Variants in PACSIN1 observed in about 807,000 individuals in gnomAD.
The protein encoded by PACSIN1 is protein kinase C and casein kinase substrate in neurons protein 1.
A neutral mutation model predicts 59.5 loss-of-function variants in PACSIN1; 15 were observed. That is an observed-to-expected ratio of 0.25 (90% CI 0.17 to 0.39). The LOEUF (loss-of-function observed/expected upper bound fraction) is 0.39. Ranked by LOEUF, PACSIN1 falls within the 10% of genes least tolerant of loss-of-function variation. The pLI, the probability that PACSIN1 is intolerant of heterozygous loss-of-function variation, is 1.00. For synonymous variants in PACSIN1, 210 were observed against 220.6 expected (o/e 0.95, Z 0.42); for missense variants, 420 against 580.2 (o/e 0.72, Z 2.84).
rs1306605070 is a variant in PACSIN1 at position 34,527,617 on chromosome 6, G to T, written c.220+129G>T. On this transcript the variant is annotated intron_variant, in intron 3 of 9. Transcript: ENST00000244458. ...TACCAGACACAGGACATTTTCAGGCGCTGTTCCCTCCTAGATCAAACCAGG... is the reference window on the plus strand; with the variant it reads ...TACCAGACACAGGACATTTTCAGGCTCTGTTCCCTCCTAGATCAAACCAGG... 8.9e-6 allele frequency: 7 copies of T among 788,104 alleles called. No homozygotes were observed. The Admixed American group carries it at 2.2e-4, about 25-fold the overall frequency. 48.8% of individuals were successfully genotyped at this position (788,104 alleles called of 1,614,324 possible).
At chr6:34,494,138 C>G (rs1766915544) in intron 1 of PACSIN1, among the ~76,000 whole-genome samples, 1 of 152,106 alleles carries the variant, frequency 6.6e-6, no homozygotes, top group African/African-American at 2.4e-5. Flanking sequence ...CAAAATTTAC[C>G]TACTTGTTAG....
At chr6:34,466,843 G>A (rs941277012) in intron 1 of PACSIN1, among the ~76,000 whole-genome samples, 1 of 152,210 alleles carries the variant, frequency 6.6e-6, no homozygotes, top group African/African-American at 2.4e-5. Flanking sequence ...GGGCTGCTGG[G>A]CACTGCCCTC....
At chr6:34,480,294 G>C (rs372687459) in intron 1 of PACSIN1, among the ~76,000 whole-genome samples, 1 of 144,954 alleles carries the variant, frequency 6.9e-6, no homozygotes, top group South Asian at 2.2e-4. Flanking sequence ...GTACCATCAC[G>C]GCTCAGTGTA....
chr6:34,534,648 C>G lies in PACSIN1; in HGVS notation c.*2118C>G, dbSNP rs1767661352. 6.5e-6 allele frequency: 1 copy of G among 152,862 alleles called. No homozygotes were observed. Among genetic ancestry groups the G allele is most frequent in the African/African-American group, 2.4e-5 (1 of 41,466 alleles). The allele number at this position is 152,862 out of a possible 1,614,324, so 9.5% of individuals were successfully genotyped here. A position where few individuals can be genotyped will look rare whatever the true frequency, so the allele number is the denominator to read the frequency against. On this transcript the variant is annotated 3_prime_UTR_variant, in exon 10 of 10. Transcript: ENST00000244458. ...GCTGCAGCCCCAGCTGGACTCCAGC[C>G]TGTCCCTCTTAGCACTCTAGCTGCC... is the stretch of plus-strand genomic sequence containing the variant.
rs1010463590 is a variant in PACSIN1, at chr6:34,533,362, G to A, written c.*832G>A. 2.6e-5 allele frequency: 4 copies of A among 152,296 alleles called. No homozygotes were observed. Among genetic ancestry groups the A allele is most frequent in the Non-Finnish European group, 5.9e-5 (4 of 68,104 alleles). The allele number at this position is 152,296 out of a possible 1,614,324, so 9.4% of individuals were successfully genotyped here. A position where few individuals can be genotyped will look rare whatever the true frequency, so the allele number is the denominator to read the frequency against. Reference sequence around the variant, plus strand: ...CCAAACCCCCTCAGCAACTTGCAGAGGACCTGTCCCCTCTCAAAAGTCCCC... The same window carrying A: ...CCAAACCCCCTCAGCAACTTGCAGAAGACCTGTCCCCTCTCAAAAGTCCCC... On this transcript the variant is annotated 3_prime_UTR_variant, in exon 10 of 10. Transcript: ENST00000244458.
intron 1 of PACSIN1, among the ~76,000 whole-genome samples, chr6:34,510,499 C>A (rs1280559289): frequency 6.6e-6 from 1 of 152,200 alleles, no homozygotes; most frequent in Non-Finnish European, 1.5e-5. Flanking sequence ...ATCCACCCAC[C>A]CAACCATTCA....
At chr6:34,499,807 AAAG>A (rs1356137982) in intron 1 of PACSIN1, among the ~76,000 whole-genome samples, 1 of 152,156 alleles carries the variant, frequency 6.6e-6, no homozygotes, top group Non-Finnish European at 1.5e-5. Context: ...ATAAAAAAAA[AAAG>A]AAAAAGAAAA....
In PACSIN1 at chr6:34,525,233, T is replaced by C. The variant is rs577571858; in HGVS notation, c.-63-1010T>C. On this transcript the variant is annotated intron_variant, in intron 1 of 9. Transcript: ENST00000244458. The surrounding 1 kb of genome is among the most constrained non-coding windows in gnomAD (Gnocchi z 4.9). ...TTCTTCTAAAAGGGAGGGAACAAAA[T>C]ATGTTTAGATGCCTGAGGGGTGCAA... Among the ~76,000 whole-genome samples the C allele has an allele frequency of 6.6e-6, 1 of 152,198 alleles. No homozygotes were observed. The highest frequency in any genetic ancestry group is 1.5e-5 in the Non-Finnish European group (1 of 68,030).
chr6:34,470,242 G>A (rs949825046), intron 1 of PACSIN1, among the ~76,000 whole-genome samples: 13 of 151,524 alleles, frequency 8.6e-5, no homozygotes, highest in Non-Finnish European at 2.9e-5. Flanking sequence ...GAGTGCAGTG[G>A]CGCGATCTTG....
At chr6:34,467,848 A>G (rs1766519465) in intron 1 of PACSIN1, among the ~76,000 whole-genome samples, 1 of 152,068 alleles carries the variant, frequency 6.6e-6, no homozygotes, top group Non-Finnish European at 1.5e-5. Flanking sequence ...CTGAGCCATC[A>G]TGCCCGGCTA....
chr6:34,516,704 C>T lies in PACSIN1; in HGVS notation c.-63-9539C>T, dbSNP rs1051557913. ...GCCTGCCTCCTCTAGGCCCGGGCCC[C>T]TCCCTGTCAGGTTGCTGCTTCACAG... On this transcript the variant is annotated intron_variant, in intron 1 of 9. Coordinates refer to ENST00000244458, the MANE Select transcript of PACSIN1 (RefSeq NM_020804.5). This position sits in a 1 kb window ranked among gnomAD's most constrained non-coding sequence, Gnocchi z 5.4. Among the ~76,000 whole-genome samples, 2 of 152,226 alleles carry T rather than the reference C, an allele frequency of 1.3e-5. No homozygotes were observed. The highest frequency in any genetic ancestry group is 2.9e-5 in the Non-Finnish European group (2 of 68,034).
chr6:34,495,262 A>G (rs1220061501), intron 1 of PACSIN1, among the ~76,000 whole-genome samples: 2 of 152,214 alleles, frequency 1.3e-5, no homozygotes, highest in Non-Finnish European at 2.9e-5. Flanking sequence ...GGTTGTTGGA[A>G]ATGGTGACAG....
intron 1 of PACSIN1, among the ~76,000 whole-genome samples, chr6:34,513,106 C>T (rs1767231242): frequency 6.6e-6 from 1 of 152,244 alleles, no homozygotes; most frequent in Non-Finnish European, 1.5e-5. Flanking sequence ...AGAACCATCT[C>T]TGACCCATGG....
intron 1 of PACSIN1, among the ~76,000 whole-genome samples, chr6:34,478,099 G>A (rs111339681): frequency 0.088 from 12,283 of 139,004 alleles, 566 homozygotes; most frequent in African/African-American, 0.11. Context: ...TCGCTCTGAC[G>A]CCCAGGCTGG....
chr6:34,495,453 C>CTT lies in PACSIN1; in HGVS notation c.-64+29198_-64+29199dup, dbSNP rs869095931. ...CTCCAACGTGGGGATCAGGAATATC[C>CTT]TTTTTTTTTTTTTTTTCCAGACGGA... On this transcript the variant is annotated intron_variant, in intron 1 of 9. Transcript: ENST00000244458. 4.6e-4 allele frequency among the ~76,000 whole-genome samples: 66 copies of CTT among 142,384 alleles called. 1 individual carries two copies. In the South Asian group the frequency reaches 7.4e-3, roughly 16 times the overall value. The allele number at this position is 142,384 out of a possible 152,430, so 93.4% of individuals were successfully genotyped here. A position where few individuals can be genotyped will look rare whatever the true frequency, so the allele number is the denominator to read the frequency against.
intron 1 of PACSIN1, among the ~76,000 whole-genome samples, chr6:34,522,692 G>A (rs929492436): frequency 1.3e-5 from 2 of 152,166 alleles, no homozygotes; most frequent in East Asian, 1.9e-4. Flanking sequence ...CAGGGGAGCC[G>A]GTACCATGGC....
At chr6:34,524,008 C>T (rs1265204375) in intron 1 of PACSIN1, among the ~76,000 whole-genome samples, 4 of 152,296 alleles carry the variant, frequency 2.6e-5, no homozygotes, top group Admixed American at 6.5e-5. Flanking sequence ...GAGAGGCCTG[C>T]GAATTGCCCA....
At chr6:34,473,455 T>C (rs1766599067) in intron 1 of PACSIN1, among the ~76,000 whole-genome samples, 1 of 152,130 alleles carries the variant, frequency 6.6e-6, no homozygotes, top group Admixed American at 6.5e-5. Flanking sequence ...TGCTTCTCCT[T>C]GCAGGGCCTG....
chr6:34,487,571 G>A (rs7748495), intron 1 of PACSIN1, among the ~76,000 whole-genome samples: 57 of 152,322 alleles, frequency 3.7e-4, no homozygotes, highest in African/African-American at 1.3e-3. Flanking sequence ...CAGGATTGAA[G>A]GATGGAGGAC....
Sources: gnomAD v4.1 joint callset for allele counts (sites outside exome capture counted in the v4.1 genomes callset) on GRCh38, gnomAD v4.1.1 for gene constraint, Gnocchi (gnomAD v3.1) non-coding constraint, MANE v1.5 for transcripts, NCBI Gene and HGNC (gene_info 2026-07-23, HGNC 2026-07-21) for gene names.